Variants in TYW1 observed in about 807,000 individuals in gnomAD.
TYW1 encodes S-adenosyl-L-methionine-dependent tRNA 4-demethylwyosine synthase TYW1.
TYW1 carries 46 observed loss-of-function variants against 96.2 expected under a neutral mutation model. The observed-to-expected ratio is 0.48, with a 90% confidence interval of 0.38 to 0.61. TYW1 has a LOEUF of 0.61. TYW1 is among the 20% of genes least tolerant of loss of function. The pLI is 0.00. For missense variants in TYW1, 684 were observed against 909.6 expected, an observed-to-expected ratio of 0.75 and a Z score of 3.19; for synonymous variants, 274 against 323.0, an observed-to-expected ratio of 0.85 and a Z score of 1.63.
At chr7:66,997,076 T>C (rs13312451) in intron 1 of TYW1, 94 bp downstream of exon 1, 48 of 1,590,038 alleles carry the variant, frequency 3.0e-5, no homozygotes, top group Non-Finnish European at 3.5e-5. Context: ...CCTCGGTCCC[T>C]TTCCTTCGGA....
At chr7:67,130,500 C>G (rs1019746983) in intron 13 of TYW1, among the ~76,000 whole-genome samples, 3 of 151,364 alleles carry the variant, frequency 2.0e-5, no homozygotes, top group Non-Finnish European at 4.4e-5. Context: ...GGTGAAACCC[C>G]GTCTCTACTA....
At chr7:67,237,806 C>T (rs1366728935) in intron 15 of TYW1, among the ~76,000 whole-genome samples, 1 of 152,074 alleles carries the variant, frequency 6.6e-6, no homozygotes, top group Admixed American at 6.6e-5. Context: ...ATTGTATCCA[C>T]GTTAGGCCAG....
At chr7:67,044,719 A>C (rs1361510503) in intron 7 of TYW1, among the ~76,000 whole-genome samples, 1 of 152,136 alleles carries the variant, frequency 6.6e-6, no homozygotes, top group Non-Finnish European at 1.5e-5. Context: ...TCCTGGGTTC[A>C]AGTGATTCTC....
chr7:67,029,412 T>TATATATATACATATATATATATATAC (rs1562973590), intron 7 of TYW1, among the ~76,000 whole-genome samples: 2 of 139,298 alleles, frequency 1.4e-5, no homozygotes, highest in African/African-American at 5.3e-5. Context: ...TGTGTGTGTG[T>TATATATATACATATATATATATATAC]GTGTATATAT....
chr7:67,183,632 A>G (rs748501757), intron 14 of TYW1, among the ~76,000 whole-genome samples: 8 of 152,148 alleles, frequency 5.3e-5, no homozygotes, highest in Admixed American at 3.9e-4. Flanking sequence ...CTCCCATCCA[A>G]CCATCACTCA....
intron 11 of TYW1, among the ~76,000 whole-genome samples, chr7:67,091,556 A>G (rs2949141): frequency 1.4e-4 from 22 of 152,258 alleles, no homozygotes; most frequent in Admixed American, 3.9e-4. Context: ...TAGAACTTAA[A>G]GTATAATAAT....
intron 12 of TYW1, among the ~76,000 whole-genome samples, chr7:67,106,149 G>C (rs576399089): frequency 1.4e-4 from 22 of 152,260 alleles, no homozygotes; most frequent in African/African-American, 5.3e-4. Flanking sequence ...CGCCCACCTT[G>C]GCCTCCCAAA....
chr7:67,232,278 G>A (rs2116448490), intron 15 of TYW1, among the ~76,000 whole-genome samples: 1 of 151,750 alleles, frequency 6.6e-6, no homozygotes, highest in African/African-American at 2.4e-5. Flanking sequence ...CATGTTAGAA[G>A]TTTTTCTGAG....
chr7:67,041,408 A>G (rs12538350), intron 7 of TYW1, among the ~76,000 whole-genome samples: 6,145 of 151,960 alleles, frequency 0.04, 182 homozygotes, highest in Middle Eastern at 0.1. Flanking sequence ...GGTTCATGCA[A>G]TTCTGCCTCA....
intron 10 of TYW1, 61 bp downstream of exon 10, chr7:67,067,464 C>T: frequency 1.3e-6 from 2 of 1,581,836 alleles, no homozygotes; most frequent in Non-Finnish European, 1.7e-6. Flanking sequence ...AATCAATCTG[C>T]CCAGCTCACA....
intron 7 of TYW1, among the ~76,000 whole-genome samples, chr7:67,033,488 G>A (rs1300907255): frequency 6.6e-6 from 1 of 152,158 alleles, no homozygotes; most frequent in Non-Finnish European, 1.5e-5. Flanking sequence ...TGAGGGCGGG[G>A]GATACAGAGC....
chr7:66,997,110 G>T (rs1330060598), intron 1 of TYW1, 128 bp downstream of exon 1: 12 of 1,524,734 alleles, frequency 7.9e-6, no homozygotes, highest in Non-Finnish European at 1.1e-5. Flanking sequence ...GACAGCACCG[G>T]CTAGTCGCCG....
intron 15 of TYW1, among the ~76,000 whole-genome samples, chr7:67,221,486 C>A (rs187326392): frequency 9.2e-5 from 14 of 152,276 alleles, no homozygotes; most frequent in African/African-American, 3.1e-4. Context: ...TAATATTCAT[C>A]GAAAATAATG....
intron 15 of TYW1, among the ~76,000 whole-genome samples, chr7:67,225,742 G>C (rs1801542508): frequency 9.0e-6 from 1 of 110,566 alleles, no homozygotes; most frequent in African/African-American, 3.8e-5. Context: ...CTCCACTGGA[G>C]ATTAAGGTTG....
At chr7:67,082,642 G>A (rs1356773387) in intron 10 of TYW1, among the ~76,000 whole-genome samples, 1 of 152,062 alleles carries the variant, frequency 6.6e-6, no homozygotes, top group Non-Finnish European at 1.5e-5. Flanking sequence ...CTGCCTGTCG[G>A]GAGGTTGAGA....
In TYW1 at chr7:67,226,282, C is replaced by G. The variant is rs536988300; in HGVS notation, c.1978-12026C>G. On this transcript the variant is annotated intron_variant, in intron 15 of 15. Coordinates refer to ENST00000359626, the MANE Select transcript of TYW1 (RefSeq NM_018264.4). ...TCCTTCTTGCTAGGGACCCGATGGC[C>G]TTTGTAGGACTAAGAAATTAGCCAA... 3.3e-5 allele frequency among the ~76,000 whole-genome samples: 5 copies of G among 152,280 alleles called. No homozygotes were observed. The South Asian group carries it at 6.2e-4, about 19-fold the overall frequency.
chr7:67,067,555 C>T lies in TYW1; in HGVS notation c.1274+152C>T, dbSNP rs1249253351. 5 of 908,884 alleles carry T rather than the reference C, an allele frequency of 5.5e-6. No individual in the cohort carries two copies. In the African/African-American group the frequency reaches 8.4e-5, roughly 15 times the overall value. The allele number at this position is 908,884 out of a possible 1,614,324, so 56.3% of individuals were successfully genotyped here. A position where few individuals can be genotyped will look rare whatever the true frequency, so the allele number is the denominator to read the frequency against. On this transcript the variant is annotated intron_variant, in intron 10 of 15. Coordinates refer to ENST00000359626, the MANE Select transcript of TYW1 (RefSeq NM_018264.4). ...TGTTAGTGTATAAAAATTTTGTAGA[C>T]AAATATTTTTGTTTCTCTTGGACAA... is the stretch of plus-strand genomic sequence containing the variant.
intron 15 of TYW1, among the ~76,000 whole-genome samples, chr7:67,197,451 G>A (rs555678390): frequency 3.9e-4 from 59 of 152,070 alleles, no homozygotes; most frequent in African/African-American, 1.3e-3. Context: ...TTAGCCGCCC[G>A]AGTAGCTGGG....
intron 11 of TYW1, among the ~76,000 whole-genome samples, chr7:67,094,886 T>C (rs1340851427): frequency 6.6e-6 from 1 of 152,140 alleles, no homozygotes; most frequent in East Asian, 1.9e-4. Context: ...TAGCGCTTCC[T>C]GTGGAATGCA....
Sources: allele counts gnomAD v4.1 joint callset (sites outside exome capture counted in the v4.1 genomes callset), GRCh38; gene constraint gnomAD v4.1.1; transcripts MANE v1.5; gene names NCBI Gene and HGNC (gene_info 2026-07-23, HGNC 2026-07-21).